The following MICAL3 variants were observed in gnomAD, a reference collection of about 807,000 sequenced individuals.
MICAL3 encodes the protein [F-actin]-monooxygenase MICAL3.
In MICAL3, 62 loss-of-function variants were observed where a neutral mutation model predicts 207.4. That is an observed-to-expected ratio of 0.30 (90% CI 0.24 to 0.37). The LOEUF is 0.37. MICAL3 is among the 10% of genes least tolerant of loss of function. The pLI is 1.00. For missense variants in MICAL3, 2,368 were observed against 2,635.6 expected (o/e 0.90, Z 2.22); for synonymous variants, 1,077 against 1,069.3 (o/e 1.01, Z -0.14).
chr22:17,918,942 A>G (rs1384763811), intron 1 of MICAL3, among the ~76,000 whole-genome samples: 1 of 152,192 alleles, frequency 6.6e-6, no homozygotes, highest in African/African-American at 2.4e-5. Flanking sequence ...CAGCTGACAC[A>G]TATATTCAAA....
chr22:17,963,012 A>G (rs1433650130), intron 1 of MICAL3, among the ~76,000 whole-genome samples: 1 of 152,126 alleles, frequency 6.6e-6, no homozygotes, highest in African/African-American at 2.4e-5. Context: ...TCAGCCTCCC[A>G]AAGTGCTGAG....
intron 1 of MICAL3, among the ~76,000 whole-genome samples, chr22:17,945,966 G>A (rs1389884389): frequency 6.6e-6 from 1 of 152,202 alleles, no homozygotes; most frequent in Non-Finnish European, 1.5e-5. Flanking sequence ...CACAGGCCCA[G>A]AGGGATCCGA....
chr22:17,850,996 C>T (rs767778544), intron 19 of MICAL3, among the ~76,000 whole-genome samples: 8 of 152,134 alleles, frequency 5.3e-5, no homozygotes, highest in Non-Finnish European at 8.8e-5. Context: ...TGCTTCTTGG[C>T]GTTGGGAGGC....
intron 16 of MICAL3, among the ~76,000 whole-genome samples, chr22:17,877,359 ATGGAGGTTAGGGAGGTGAGGGAG>A (rs1252570679): frequency 8.7e-6 from 1 of 114,362 alleles, no homozygotes; most frequent in Non-Finnish European, 1.7e-5. Flanking sequence ...TAGGGAGGTT[ATGGAGGTTAGGGAGGTGAGGGAG>A]GTTATGGAGG....
chr22:17,974,426 G>A (rs1022475727), intron 1 of MICAL3, among the ~76,000 whole-genome samples: 2 of 152,216 alleles, frequency 1.3e-5, no homozygotes, highest in African/African-American at 4.8e-5. Context: ...TAAGAGCTGT[G>A]TGAGGCCAGG....
rs751815399 is a variant in MICAL3, at chr22:17,900,093, C to T, written c.848-545G>A. On this transcript the variant is annotated intron_variant, in intron 6 of 31. Transcript: ENST00000441493. The surrounding 1 kb of genome is among the most constrained non-coding windows in gnomAD (Gnocchi z 4.0). Reference sequence around the variant, plus strand: ...GATCTATTCAAAACCTATCATACAACAATCTCATCGCTATCTGACACACGG... The same window carrying T: ...GATCTATTCAAAACCTATCATACAATAATCTCATCGCTATCTGACACACGG... 4.6e-5 allele frequency among the ~76,000 whole-genome samples: 7 copies of T among 152,204 alleles called. No homozygotes were observed. The highest frequency in any genetic ancestry group is 1.0e-4 in the Non-Finnish European group (7 of 68,034).
chr22:17,872,904 A>C (rs1389499782), intron 16 of MICAL3: 2 of 1,150,404 alleles, frequency 1.7e-6, no homozygotes, highest in Non-Finnish European at 1.3e-6. Context: ...AATGAGAAGG[A>C]AAAAAATACA....
At chr22:17,855,710 C>T (rs1925815648) in intron 19 of MICAL3, among the ~76,000 whole-genome samples, 1 of 152,238 alleles carries the variant, frequency 6.6e-6, no homozygotes, top group African/African-American at 2.4e-5. Context: ...CATTGCACCT[C>T]AGTGATGAAA....
In MICAL3 at chr22:17,959,010, G is replaced by GTTTT. The variant is rs34107784; in HGVS notation, c.-74-52128_-74-52125dup. The stretch of plus-strand genomic sequence containing the variant: ...CATAAGCCACTGCGCCGGGCCTGGG[G>GTTTT]TTTTTTTTTTTTTTTTTTTTTTTGA... On this transcript the variant is annotated intron_variant, in intron 1 of 31. Transcript: ENST00000441493. Among the ~76,000 whole-genome samples, 354 of 85,840 alleles carry GTTTT rather than the reference G, an allele frequency of 4.1e-3. 7 individuals carry two copies. The highest frequency in any genetic ancestry group is 0.014 in the Middle Eastern group (1 of 70). 56.3% of individuals were successfully genotyped at this position (85,840 alleles called of 152,430 possible).
intron 1 of MICAL3, among the ~76,000 whole-genome samples, chr22:17,985,190 GTGTGC>G (rs1569157768): frequency 3.3e-5 from 5 of 152,158 alleles, no homozygotes; most frequent in African/African-American, 1.2e-4. Context: ...CTGAGGCAGG[GTGTGC>G]CTGGAGCACG....
At chr22:17,797,479 G>A (rs545198969) in intron 29 of MICAL3, among the ~76,000 whole-genome samples, 6 of 152,128 alleles carry the variant, frequency 3.9e-5, no homozygotes, top group Non-Finnish European at 8.8e-5. Flanking sequence ...GGGTGAGTGA[G>A]ACCCTATCTC....
Position 17,790,613 on chromosome 22 carries a change from G to C in MICAL3, c.*119C>G. ...CGACCACTTTCCAAGCAGCACACGG[G>C]CATCTGAGCGTAAACTCCAAGGAGG... On this transcript the variant is annotated 3_prime_UTR_variant, in exon 32 of 32. Coordinates refer to ENST00000441493, the MANE Select transcript of MICAL3 (RefSeq NM_015241.3). The C allele has an allele frequency of 1.1e-6, 1 of 890,296 alleles. No individual in the cohort carries two copies. The highest frequency in any genetic ancestry group is 2.7e-5 in the East Asian group (1 of 37,562). The allele number at this position is 890,296 out of a possible 1,614,324, so 55.1% of individuals were successfully genotyped here. A position where few individuals can be genotyped will look rare whatever the true frequency, so the allele number is the denominator to read the frequency against.
At chr22:17,865,658 T>C (rs1927025748) in intron 18 of MICAL3, among the ~76,000 whole-genome samples, 2 of 152,210 alleles carry the variant, frequency 1.3e-5, no homozygotes, top group Non-Finnish European at 2.9e-5. Context: ...AAGGCAGATG[T>C]CTACGCAGCT....
chr22:17,873,141 G>A (rs1296863460), intron 16 of MICAL3, among the ~76,000 whole-genome samples: 1 of 152,244 alleles, frequency 6.6e-6, no homozygotes, highest in East Asian at 1.9e-4. Flanking sequence ...GGAATGCACA[G>A]TTCCAGGGAA....
intron 16 of MICAL3, among the ~76,000 whole-genome samples, chr22:17,882,580 T>C (rs534993997): frequency 3.5e-4 from 53 of 152,362 alleles, no homozygotes; most frequent in African/African-American, 1.2e-3. Context: ...ATGCATGATT[T>C]AGAGCTGAGA....
chr22:17,968,262 C>T, intron 1 of MICAL3, among the ~76,000 whole-genome samples: 1 of 152,098 alleles, frequency 6.6e-6, no homozygotes, highest in East Asian at 1.9e-4. Context: ...GTGCCGAGCC[C>T]TGCCTCTGTG....
Position 17,900,850 on chromosome 22 carries a change from T to C in MICAL3, c.839A>G (p.Glu280Gly), listed in dbSNP as rs764217724. 2 of 1,613,918 alleles carry C rather than the reference T, an allele frequency of 1.2e-6. No homozygotes were observed. Among genetic ancestry groups the C allele is most frequent in the South Asian group, 1.1e-5 (1 of 91,072 alleles). ...FNQKFFQELREATGIDLENIV... is the reference protein window; with the variant it reads ...FNQKFFQELRGATGIDLENIV... Reference sequence around the variant, plus strand: ...GAGACATCAACACCAACCTGTGGCTTCCCTCAGTTCCTGGAAAAATTTTTG... The same window carrying C: ...GAGACATCAACACCAACCTGTGGCTCCCCTCAGTTCCTGGAAAAATTTTTG... Residue 280 changes from glutamate (E) to glycine (G), a missense_variant, in exon 6 of 32, where the codon GAA (glutamate) becomes GGA (glycine). Glu to Gly is a moderately conservative substitution (Grantham distance 98). This residue lies in a region of MICAL3 where 400 missense variants were observed against 547.0 expected (regional missense o/e 0.73). Transcript: ENST00000441493. The surrounding 1 kb of genome is among the most constrained non-coding windows in gnomAD (Gnocchi z 4.0).
At chr22:17,963,601 C>A (rs1411059524) in intron 1 of MICAL3, among the ~76,000 whole-genome samples, 2 of 152,268 alleles carry the variant, frequency 1.3e-5, no homozygotes, top group South Asian at 2.1e-4. Flanking sequence ...ATCTCTGACA[C>A]CCCTTGGCAC....
chr22:18,015,541 T>C (rs569246406), intron 1 of MICAL3, among the ~76,000 whole-genome samples: 1 of 149,704 alleles, frequency 6.7e-6, no homozygotes, highest in Admixed American at 6.7e-5. Context: ...GCCTCCCAAG[T>C]AGCTGGGATT....
Sources: allele counts gnomAD v4.1 joint callset (sites outside exome capture counted in the v4.1 genomes callset), GRCh38; gene constraint gnomAD v4.1.1; regional missense constraint gnomAD v4.1.1; non-coding constraint Gnocchi (gnomAD v3.1); transcripts MANE v1.5; gene names NCBI Gene and HGNC (gene_info 2026-07-23, HGNC 2026-07-21).